ADGRL3: variants seen among roughly 807,000 people sequenced by gnomAD.
The protein encoded by ADGRL3 is adhesion G protein-coupled receptor L3.
Under a neutral mutation model 153.5 loss-of-function variants are expected in ADGRL3, and 62 were observed. The ratio of observed to expected loss-of-function variants is 0.40; its 90% confidence interval spans 0.33 to 0.50. The LOEUF is 0.50. Among genes scored for constraint, ADGRL3 ranks in the 20% least tolerant of loss-of-function variants. The pLI is 0.47. For missense variants in ADGRL3, 1,641 were observed against 1,859.4 expected (o/e 0.88, Z 2.16); for synonymous variants, 710 against 672.5 (o/e 1.06, Z -0.86).
At chr4:61,731,259 G>A (rs2096436857) in intron 7 of ADGRL3, among the ~76,000 whole-genome samples, 1 of 152,020 alleles carries the variant, frequency 6.6e-6, no homozygotes, top group African/African-American at 2.4e-5. Context: ...AAAACTTTGG[G>A]CATTTTAGTA....
At chr4:61,264,735 A>G (rs1578035727) in intron 1 of ADGRL3, among the ~76,000 whole-genome samples, 3 of 152,128 alleles carry the variant, frequency 2.0e-5, no homozygotes, top group East Asian at 3.9e-4. Context: ...TACTTGACCT[A>G]TGGCAAATAC....
chr4:61,406,560 T>A (rs1420423397), intron 2 of ADGRL3, among the ~76,000 whole-genome samples: 2 of 151,870 alleles, frequency 1.3e-5, no homozygotes, highest in African/African-American at 4.8e-5. Context: ...AATAAAAAAC[T>A]AAGTGGGATG....
intron 6 of ADGRL3, among the ~76,000 whole-genome samples, chr4:61,705,984 A>G (rs1358397244): frequency 6.6e-6 from 1 of 152,168 alleles, no homozygotes; most frequent in African/African-American, 2.4e-5. Context: ...TAGGATTTTT[A>G]GAATGGTAAA....
At chr4:61,702,196 C>T (rs2095777656) in intron 6 of ADGRL3, among the ~76,000 whole-genome samples, 1 of 152,090 alleles carries the variant, frequency 6.6e-6, no homozygotes, top group Non-Finnish European at 1.5e-5. Flanking sequence ...TTCATGCTTT[C>T]TAGATGTCAT....
chr4:61,391,488 A>G (rs2096801439), intron 2 of ADGRL3, among the ~76,000 whole-genome samples: 1 of 152,196 alleles, frequency 6.6e-6, no homozygotes, highest in Non-Finnish European at 1.5e-5. Context: ...TGGAGGGGAC[A>G]AACATCCAAA....
intron 1 of ADGRL3, among the ~76,000 whole-genome samples, chr4:61,368,184 A>G (rs1423358606): frequency 2.6e-5 from 4 of 151,944 alleles, no homozygotes; most frequent in East Asian, 3.9e-4. Context: ...CCATTTTGTA[A>G]GTTGCCTGTT....
intron 8 of ADGRL3, among the ~76,000 whole-genome samples, chr4:61,788,581 G>A (rs1390229320): frequency 6.6e-6 from 1 of 152,064 alleles, no homozygotes; most frequent in Non-Finnish European, 1.5e-5. Context: ...CTACCCCAAT[G>A]AGAAAGAACC....
intron 2 of ADGRL3, among the ~76,000 whole-genome samples, chr4:61,393,163 A>G (rs2096832832): frequency 6.6e-6 from 1 of 152,124 alleles, no homozygotes; most frequent in Admixed American, 6.5e-5. Flanking sequence ...ATTATCCATA[A>G]ATGACCTTCT....
At chr4:61,864,091 T>TA (rs2098377244) in intron 9 of ADGRL3, among the ~76,000 whole-genome samples, 2 of 152,344 alleles carry the variant, frequency 1.3e-5, no homozygotes, top group Non-Finnish European at 2.9e-5. Context: ...AAGTGGAAGA[T>TA]ACTGTACTCA....
rs1011045978 is a variant in ADGRL3 at position 61,997,694 on chromosome 4, C to T, written c.3304-480C>T. ...TTACTTTAGTCCTCATTTATTGTAG[C>T]ATCAGAATTTAAACAACATTTTATC... On this transcript the variant is annotated intron_variant, in intron 20 of 26. Transcript: ENST00000683033. Among the ~76,000 whole-genome samples, 5 of 151,988 alleles carry T rather than the reference C, an allele frequency of 3.3e-5. No homozygotes were observed. In the South Asian group the frequency reaches 6.2e-4, roughly 19 times the overall value.
intron 2 of ADGRL3, chr4:61,420,280 G>A (rs1370856636): frequency 6.6e-6 from 1 of 150,676 alleles, no homozygotes; most frequent in South Asian, 2.1e-4. Flanking sequence ...TGGTAGATTC[G>A]ATTTTCTAAT....
At chr4:62,067,634 G>A (rs2151911976) in intron 25 of ADGRL3, among the ~76,000 whole-genome samples, 1 of 151,902 alleles carries the variant, frequency 6.6e-6, no homozygotes, top group African/African-American at 2.4e-5. Context: ...TTTTGTGCAG[G>A]AAAAGAGAAG....
chr4:61,739,560 A>G (rs1054004561), intron 8 of ADGRL3, among the ~76,000 whole-genome samples: 1 of 152,226 alleles, frequency 6.6e-6, no homozygotes, highest in Non-Finnish European at 1.5e-5. Flanking sequence ...GATTAAATGG[A>G]TAAATGGACT....
At chr4:61,580,607 G>C (rs1239773933) in intron 4 of ADGRL3, among the ~76,000 whole-genome samples, 1 of 152,072 alleles carries the variant, frequency 6.6e-6, no homozygotes, top group Non-Finnish European at 1.5e-5. Context: ...TCCAGGAGTA[G>C]TTTAATTAGT....
rs552722129 is a variant in ADGRL3 at position 61,823,089 on chromosome 4, C to T, written c.1480+9200C>T. Among the ~76,000 whole-genome samples, 15 of 152,296 alleles carry T rather than the reference C, an allele frequency of 9.8e-5. No individual in the cohort carries two copies. In the South Asian group the frequency reaches 3.1e-3, roughly 32 times the overall value. On this transcript the variant is annotated intron_variant, in intron 9 of 26. Coordinates refer to ENST00000683033, the MANE Select transcript of ADGRL3 (RefSeq NM_001387552.1). Reference sequence around the variant, plus strand: ...CTATGATCAGGCTCAGTTCTCTCAACTTCACCTCTCCCCAAATCCCATGCG... The same window carrying T: ...CTATGATCAGGCTCAGTTCTCTCAATTTCACCTCTCCCCAAATCCCATGCG...
At chr4:61,303,814 T>C (rs2094670473) in intron 1 of ADGRL3, among the ~76,000 whole-genome samples, 1 of 152,150 alleles carries the variant, frequency 6.6e-6, no homozygotes, top group Non-Finnish European at 1.5e-5. Flanking sequence ...TTCTATTTTA[T>C]AAATACCAAA....
chr4:62,002,517 T>G (rs957378130), intron 21 of ADGRL3, among the ~76,000 whole-genome samples: 7 of 151,768 alleles, frequency 4.6e-5, no homozygotes, highest in Non-Finnish European at 1.0e-4. Flanking sequence ...TAGAGAACAT[T>G]TAATTGGTTG....
chr4:61,869,135 G>A (rs985420420), intron 9 of ADGRL3, among the ~76,000 whole-genome samples: 3 of 151,884 alleles, frequency 2.0e-5, no homozygotes, highest in African/African-American at 4.8e-5. Flanking sequence ...TATACAAAGG[G>A]GTTTTACCAT....
chr4:61,468,585 T>C (rs891190879), intron 2 of ADGRL3, among the ~76,000 whole-genome samples: 4 of 152,160 alleles, frequency 2.6e-5, no homozygotes, highest in Non-Finnish European at 4.4e-5. Context: ...TCCAAAATAA[T>C]AGCATCTTAT....
Sources: gnomAD v4.1 joint callset for allele counts (sites outside exome capture counted in the v4.1 genomes callset) on GRCh38, gnomAD v4.1.1 for gene constraint, MANE v1.5 for transcripts, NCBI Gene and HGNC (gene_info 2026-07-23, HGNC 2026-07-21) for gene names.